The following HOXB5 variants were observed in gnomAD, a reference collection of about 807,000 sequenced individuals.
HOXB5 encodes the protein homeobox protein Hox-B5.
In HOXB5, 10 loss-of-function variants were observed where a neutral mutation model predicts 19.6. That is an observed-to-expected ratio of 0.51 (90% confidence interval 0.32 to 0.87). The LOEUF is 0.87. HOXB5 is among the 40% of genes least tolerant of loss of function. HOXB5 has a pLI of 0.04. For synonymous variants in HOXB5, 167 were observed against 156.9 expected (o/e 1.06, Z -0.48); for missense variants, 353 against 369.6 (o/e 0.96, Z 0.37).
rs761175082 is a variant in HOXB5 at position 48,593,654 on chromosome 17, GAGA to G, written c.26_28del (p.Phe9del). On this transcript the variant is annotated inframe_deletion, in exon 1 of 2. Coordinates refer to ENST00000239151, the MANE Select transcript of HOXB5 (RefSeq NM_002147.4). ...GTCCGGGCCATTTGGATAACGCCCC[GAGA>G]AGGAGTTTACAAAGTACGAGCTCAT... 5 of 1,612,048 alleles carry G rather than the reference GAGA, an allele frequency of 3.1e-6. No individual in the cohort carries two copies. The highest frequency in any genetic ancestry group is 3.4e-6 in the Non-Finnish European group (4 of 1,179,392).
Position 48,592,461 on chromosome 17 carries a change from A to C in HOXB5, c.563-5T>G, listed in dbSNP as rs762836406. 3 of 1,371,244 alleles carry C rather than the reference A, an allele frequency of 2.2e-6. No individual in the cohort carries two copies. The highest frequency in any genetic ancestry group is 2.9e-6 in the Non-Finnish European group (3 of 1,030,354). The allele number at this position is 1,371,244 out of a possible 1,614,324, so 84.9% of individuals were successfully genotyped here. Reference sequence around the variant, plus strand: ...TCCCGTCCGGCCCGGTCATATCTGGAGCAGATAGAGGAAAGCCGCAAGGCA... The same window carrying C: ...TCCCGTCCGGCCCGGTCATATCTGGCGCAGATAGAGGAAAGCCGCAAGGCA... On this transcript the variant is annotated splice_region_variant and splice_polypyrimidine_tract_variant and intron_variant, in intron 1 of 1. Coordinates refer to ENST00000239151, the MANE Select transcript of HOXB5 (RefSeq NM_002147.4).
chr17:48,593,462 C>T lies in HOXB5; in HGVS notation c.221G>A (p.Arg74His), dbSNP rs1389768175. 2 of 1,611,722 alleles carry T rather than the reference C, an allele frequency of 1.2e-6. No homozygotes were observed. The highest frequency in any genetic ancestry group is 1.7e-5 in the Admixed American group (1 of 59,842). The change falls in exon 1 of 2, where the codon CGC becomes CAC. Residue 74 changes from arginine (R) to histidine (H), a missense_variant. Transcript: ENST00000239151. ...SHFGAVGESS[R>H]AFPAPAQEPR... ...CTCCTGGGCGGGCGCGGGGAAGGCG[C>T]GCGAGCTCTCGCCCACCGCCCCAAA... is the stretch of plus-strand genomic sequence containing the variant.
chr17:48,592,363 A>T lies in HOXB5; in HGVS notation c.656T>A (p.Leu219Gln). 6.2e-7 allele frequency: 1 copy of T among 1,614,212 alleles called. No homozygotes were observed. Among genetic ancestry groups the T allele is most frequent in the Non-Finnish European group, 8.5e-7 (1 of 1,180,040 alleles). ...GATCTCGATGCGCCGTCGCCGGGTC[A>T]GGTAGCGGTTGAAGTGGAACTCCTT... Reference protein sequence around the residue: ...LEKEFHFNRYLTRRRRIEIAH... With the variant: ...LEKEFHFNRYQTRRRRIEIAH... The change falls in exon 2 of 2, where the codon CTG becomes CAG. Residue 219 changes from leucine (L) to glutamine (Q), a missense_variant. Transcript: ENST00000239151.
At chr17:48,593,064 C>CAAAA in intron 1 of HOXB5, 57 bp downstream of exon 1, 1 of 725,178 alleles carries the variant, frequency 1.4e-6, no homozygotes, top group Non-Finnish European at 2.2e-6. Context: ...CCCCCCGATC[C>CAAAA]CACCCCAAAA....
At position 48,591,757 on chromosome 17, in the gene HOXB5, T is replaced by TACCCCACCTCAACTGCTGCCCC. The variant is rs2070156276; in HGVS notation, c.*430_*451dup. 2 of 153,190 alleles carry TACCCCACCTCAACTGCTGCCCC rather than the reference T, an allele frequency of 1.3e-5. No individual in the cohort carries two copies. The highest frequency in any genetic ancestry group is 2.4e-5 in the African/African-American group (1 of 41,350). 9.5% of individuals were successfully genotyped at this position (153,190 alleles called of 1,614,324 possible). A position where few individuals can be genotyped will look rare whatever the true frequency, so the allele number is the denominator to read the frequency against. On this transcript the variant is annotated 3_prime_UTR_variant, in exon 2 of 2. Coordinates refer to ENST00000239151, the MANE Select transcript of HOXB5 (RefSeq NM_002147.4). ...GCTCAGCTTGACCCCACTGCGGCACTACCCCACCTCAACTGCTGCCCCTTA... is the reference window on the plus strand; with the variant it reads ...GCTCAGCTTGACCCCACTGCGGCACTACCCCACCTCAACTGCTGCCCCACCCCACCTCAACTGCTGCCCCTTA...
chr17:48,593,555 C>G lies in HOXB5; in HGVS notation c.128G>C (p.Gly43Ala), dbSNP rs779768288. The change falls in exon 1 of 2, where the codon GGC becomes GCC. Residue 43 changes from glycine to alanine, a missense_variant. Coordinates refer to ENST00000239151, the MANE Select transcript of HOXB5 (RefSeq NM_002147.4). ...CCCATTGTAATTGTAGCCGTAAGAGCCGGTGTGCATGGCAGCGGGATCCCT... is the reference window on the plus strand; with the variant it reads ...CCCATTGTAATTGTAGCCGTAAGAGGCGGTGTGCATGGCAGCGGGATCCCT... ...SYRDPAAMHT[G>A]SYGYNYNGMD... The G allele has an allele frequency of 6.2e-7, 1 of 1,613,198 alleles. No individual in the cohort carries two copies. The highest frequency in any genetic ancestry group is 1.7e-5 in the Admixed American group (1 of 60,024).
In HOXB5 at chr17:48,593,186, G is replaced by A. The variant is rs752048481; in HGVS notation, c.497C>T (p.Thr166Ile). The stretch of plus-strand genomic sequence containing the variant: ...CGGAGTCTGCCCCTCGGGCGCGGCT[G>A]TGGAGGTGGCCATGGGCTCTGGCTG... ...RAQPEPMATS[T>I]AAPEGQTPQI... The change falls in exon 1 of 2, where the codon ACA becomes ATA. Residue 166 changes from threonine (T) to isoleucine (I), a missense_variant. Coordinates refer to ENST00000239151, the MANE Select transcript of HOXB5 (RefSeq NM_002147.4). 12 of 1,604,362 alleles carry A rather than the reference G, an allele frequency of 7.5e-6. No individual in the cohort carries two copies. The highest frequency in any genetic ancestry group is 1.7e-4 in the Middle Eastern group (1 of 5,820).
Position 48,593,504 on chromosome 17 carries a change from G to A in HOXB5, c.179C>T (p.Ser60Leu). The change falls in exon 1 of 2, where the codon TCG becomes TTG. Residue 60 changes from serine to leucine, a missense_variant. Ser to Leu is a moderately radical substitution (Grantham distance 145). Coordinates refer to ENST00000239151, the MANE Select transcript of HOXB5 (RefSeq NM_002147.4). ...NGMDLSVNRS[S>L]ASSSHFGAVG... The stretch of plus-strand genomic sequence containing the variant: ...CGCCCCAAAGTGGCTGGAGGAGGCC[G>A]AGGAGCGGTTGACGCTGAGGTCCAT... The A allele has an allele frequency of 6.2e-7, 1 of 1,613,236 alleles. No individual in the cohort carries two copies. The highest frequency in any genetic ancestry group is 8.5e-7 in the Non-Finnish European group (1 of 1,179,882).
intron 1 of HOXB5, 120 bp downstream of exon 1, chr17:48,593,000 TC>T: frequency 1.3e-6 from 1 of 747,746 alleles, no homozygotes; most frequent in South Asian, 2.3e-5. Context: ...CTTAGATACT[TC>T]TCCCCCTTAG....
In HOXB5 at chr17:48,592,073, C is replaced by T; in HGVS notation, c.*136G>A. ...AGCCACAGGAAGACCTAAGACCAAA[C>T]GAAATATCGTAACACAAGGCGAGGC... is the stretch of plus-strand genomic sequence containing the variant. On this transcript the variant is annotated 3_prime_UTR_variant, in exon 2 of 2. Coordinates refer to ENST00000239151, the MANE Select transcript of HOXB5 (RefSeq NM_002147.4). The T allele has an allele frequency of 1.0e-6, 1 of 981,252 alleles. No homozygotes were observed. Among genetic ancestry groups the T allele is most frequent in the South Asian group, 1.6e-5 (1 of 61,194 alleles). The allele number at this position is 981,252 out of a possible 1,614,324, so 60.8% of individuals were successfully genotyped here.
In HOXB5 at chr17:48,593,308, G is replaced by T. The variant is rs1419618638; in HGVS notation, c.375C>A (p.Ser125Arg). The T allele has an allele frequency of 6.2e-7, 1 of 1,612,524 alleles. No individual in the cohort carries two copies. Among genetic ancestry groups the T allele is most frequent in the African/African-American group, 1.3e-5 (1 of 74,920 alleles). The change falls in exon 1 of 2, where the codon AGC becomes AGA. Residue 125 changes from serine to arginine, a missense_variant. Ser to Arg is a moderately radical substitution (Grantham distance 110). Transcript: ENST00000239151. ...SSPSDQATSA[S>R]SSANFTEIDE... ...CTATTTCGGTGAAATTGGCGCTGGA[G>T]CTGGCTGAGGTCGCCTGGTCGGAGG...
Position 48,592,173 on chromosome 17 carries a change from AC to A in HOXB5, c.*35del. 1 of 1,600,444 alleles carries A rather than the reference AC, an allele frequency of 6.2e-7. No homozygotes were observed. ...TGGAGGGGCCAGGGCTGGGGGTGGC[AC>A]GGGCTCTTGGGCCGCTGGGCTCCTC... On this transcript the variant is annotated 3_prime_UTR_variant, in exon 2 of 2. Transcript: ENST00000239151.
rs1432382664 is a variant in HOXB5, at chr17:48,591,998, A to T, written c.*211T>A. 1.0e-4 allele frequency: 35 copies of T among 341,366 alleles called. No homozygotes were observed. Among genetic ancestry groups the T allele is most frequent in the Admixed American group, 2.6e-4 (6 of 22,664 alleles). 21.1% of individuals were successfully genotyped at this position (341,366 alleles called of 1,614,324 possible). A position where few individuals can be genotyped will look rare whatever the true frequency, so the allele number is the denominator to read the frequency against. ...GGGAGCATGGAAGGAAAATAATAAT[A>T]ATAATTATTATTAACAATAATAACA... On this transcript the variant is annotated 3_prime_UTR_variant, in exon 2 of 2. Transcript: ENST00000239151.
rs1286019082 is a variant in HOXB5 at position 48,592,421 on chromosome 17, C to T, written c.598G>A (p.Ala200Thr). 6.4e-7 allele frequency: 1 copy of T among 1,562,286 alleles called. No homozygotes were observed. Among genetic ancestry groups the T allele is most frequent in the Non-Finnish European group, 8.7e-7 (1 of 1,146,934 alleles). The part of the protein sequence containing the change: ...TGPDGKRART[A>T]YTRYQTLELE... ...TCCAGGGTCTGGTAGCGGGTATACG[C>T]GGTCCGGGCCCTTTTCCCGTCCGGC... is the stretch of plus-strand genomic sequence containing the variant. The change falls in exon 2 of 2, where the codon GCG becomes ACG. Residue 200 changes from alanine to threonine, a missense_variant. Physicochemically the swap from Ala to Thr is moderately conservative, Grantham distance 58. Coordinates refer to ENST00000239151, the MANE Select transcript of HOXB5 (RefSeq NM_002147.4).
chr17:48,592,147 T>C lies in HOXB5; in HGVS notation c.*62A>G, dbSNP rs2070166420. The C allele has an allele frequency of 1.3e-6, 2 of 1,563,668 alleles. No individual in the cohort carries two copies. Reference sequence around the variant, plus strand: ...GCGGGCGGCGGCAGAGCGGGGAGGATTGGAGGGGCCAGGGCTGGGGGTGGC... The same window carrying C: ...GCGGGCGGCGGCAGAGCGGGGAGGACTGGAGGGGCCAGGGCTGGGGGTGGC... On this transcript the variant is annotated 3_prime_UTR_variant, in exon 2 of 2. Coordinates refer to ENST00000239151, the MANE Select transcript of HOXB5 (RefSeq NM_002147.4).
Position 48,593,521 on chromosome 17 carries a change from G to A in HOXB5, c.162C>T (p.Leu54=). Reference sequence around the variant, plus strand: ...AGGAGGCCGAGGAGCGGTTGACGCTGAGGTCCATCCCATTGTAATTGTAGC... The same window carrying A: ...AGGAGGCCGAGGAGCGGTTGACGCTAAGGTCCATCCCATTGTAATTGTAGC... ...SYGYNYNGMD[L]SVNRSSASSS... is the part of the protein sequence containing the mutation. The change falls in exon 1 of 2, where the codon CTC becomes CTT. Residue 54 remains leucine (L), a synonymous_variant. Transcript: ENST00000239151. 1 of 1,613,354 alleles carries A rather than the reference G, an allele frequency of 6.2e-7. No homozygotes were observed. Among genetic ancestry groups the A allele is most frequent in the Non-Finnish European group, 8.5e-7 (1 of 1,180,008 alleles).
At position 48,592,138 on chromosome 17, in the gene HOXB5, C is replaced by T; in HGVS notation, c.*71G>A. The T allele has an allele frequency of 6.5e-7, 1 of 1,534,410 alleles. No individual in the cohort carries two copies. The highest frequency in any genetic ancestry group is 1.2e-5 in the South Asian group (1 of 81,480). On this transcript the variant is annotated 3_prime_UTR_variant, in exon 2 of 2. Transcript: ENST00000239151. ...CGGTCCCCAGCGGGCGGCGGCAGAG[C>T]GGGGAGGATTGGAGGGGCCAGGGCT...
At position 48,593,247 on chromosome 17, in the gene HOXB5, C is replaced by G; in HGVS notation, c.436G>C (p.Ala146Pro). Residue 146 changes from alanine to proline, a missense_variant, in exon 1 of 2, where the codon GCA becomes CCA. Physicochemically the swap from Ala to Pro is conservative, Grantham distance 27. Coordinates refer to ENST00000239151, the MANE Select transcript of HOXB5 (RefSeq NM_002147.4). ...ASASSEPEEA[A>P]SQLSSPSLAR... ...AGGCTGGGGCTGCTTAGCTGGCTTGCCGCTTCCTCAGGCTCCGAGGACGCG... is the reference window on the plus strand; with the variant it reads ...AGGCTGGGGCTGCTTAGCTGGCTTGGCGCTTCCTCAGGCTCCGAGGACGCG... 1 of 1,613,764 alleles carries G rather than the reference C, an allele frequency of 6.2e-7. No individual in the cohort carries two copies. Among genetic ancestry groups the G allele is most frequent in the Non-Finnish European group, 8.5e-7 (1 of 1,179,748 alleles).
rs2070160468 is a variant in HOXB5 at position 48,591,918 on chromosome 17, C to T, written c.*291G>A. Reference sequence around the variant, plus strand: ...TTTTTCCTGGGGGAAAGACTGCAACCACAGACACAAACATTCAGAAACACT... The same window carrying T: ...TTTTTCCTGGGGGAAAGACTGCAACTACAGACACAAACATTCAGAAACACT... On this transcript the variant is annotated 3_prime_UTR_variant, in exon 2 of 2. Coordinates refer to ENST00000239151, the MANE Select transcript of HOXB5 (RefSeq NM_002147.4). 4.8e-6 allele frequency: 1 copy of T among 207,536 alleles called. No homozygotes were observed. Among genetic ancestry groups the T allele is most frequent in the East Asian group, 1.1e-4 (1 of 9,500 alleles). 12.9% of individuals were successfully genotyped at this position (207,536 alleles called of 1,614,324 possible).
Sources: gnomAD v4.1 joint callset for allele counts on GRCh38, gnomAD v4.1.1 for gene constraint, MANE v1.5 for transcripts, NCBI Gene and HGNC (gene_info 2026-07-23, HGNC 2026-07-21) for gene names.